The following S100A8 variants were observed in gnomAD, a reference collection of about 807,000 sequenced individuals.
The protein encoded by S100A8 is S100 calcium binding protein A8.
In S100A8, 1 loss-of-function variant was observed where a neutral mutation model predicts 4.2. The observed-to-expected ratio is 0.24, with a 90% CI of 0.08 to 1.12. The LOEUF is 1.12. Among genes scored for constraint, S100A8 ranks in the 50% most tolerant of loss-of-function variants. The pLI is 0.53. For synonymous variants in S100A8, 41 were observed against 44.7 expected (o/e 0.92, Z 0.33); for missense variants, 96 against 111.8 (o/e 0.86, Z 0.64).
the S100A8 span, among the ~76,000 whole-genome samples, chr1:153,418,592 A>G: frequency 6.6e-6 from 1 of 152,196 alleles, no homozygotes; most frequent in African/African-American, 2.4e-5. Flanking sequence ...GGAAAGCACT[A>G]GAAGTTCCAT....
At chr1:153,394,306 G>A (rs1012232383), upstream of S100A8, among the ~76,000 whole-genome samples, 2 of 152,254 alleles carry the variant, frequency 1.3e-5, no homozygotes, top group African/African-American at 2.4e-5. Flanking sequence ...CCCCTGCTTC[G>A]TACTCAATGC....
chr1:153,421,644 A>C, the S100A8 span: 2 of 152,224 alleles, frequency 1.3e-5, no homozygotes, highest in Admixed American at 1.3e-4. Flanking sequence ...AGAAAGGATA[A>C]GGCAAATGAC....
At chr1:153,391,304 A>T, upstream of S100A8, 2 of 621,338 alleles carry the variant, frequency 3.2e-6, no homozygotes, top group Non-Finnish European at 4.0e-6. Flanking sequence ...AAAAGCAGGT[A>T]GGGGGGCTCT....
At chr1:153,399,278 T>C in the S100A8 span, among the ~76,000 whole-genome samples, 1 of 152,212 alleles carries the variant, frequency 6.6e-6, no homozygotes, top group Non-Finnish European at 1.5e-5. Flanking sequence ...GGAGCAGGAC[T>C]GAGCCTTAAT....
At chr1:153,406,801 G>C in the S100A8 span, among the ~76,000 whole-genome samples, 1 of 152,186 alleles carries the variant, frequency 6.6e-6, no homozygotes, top group African/African-American at 2.4e-5. Flanking sequence ...GGTTGGATGT[G>C]TGATAGGATG....
chr1:153,390,395 C>T lies in S100A8; in HGVS notation c.141G>A (p.Arg47=). The change falls in exon 2 of 3, where the codon AGG becomes AGA. Residue 47 remains arginine (R), a splice_region_variant and synonymous_variant. Coordinates refer to ENST00000368733, the MANE Select transcript of S100A8 (RefSeq NM_002964.5). ...CCCGCCACACCCAGCCCCTCCTCACCCTGATATACTGAGGACACTCGGTCT... is the reference window on the plus strand; with the variant it reads ...CCCGCCACACCCAGCCCCTCCTCACTCTGATATACTGAGGACACTCGGTCT... The part of the protein sequence containing the change: ...LLETECPQYI[R]KKGADVWFKE... 4 of 1,614,120 alleles carry T rather than the reference C, an allele frequency of 2.5e-6. No homozygotes were observed. The highest frequency in any genetic ancestry group is 3.4e-6 in the Non-Finnish European group (4 of 1,179,974).
chr1:153,402,382 T>C, the S100A8 span, among the ~76,000 whole-genome samples: 4 of 152,076 alleles, frequency 2.6e-5, no homozygotes, highest in Admixed American at 2.6e-4. Context: ...CATTACCTTG[T>C]CCCCGAATAA....
upstream of S100A8, among the ~76,000 whole-genome samples, chr1:153,393,682 C>T (rs1343830691): frequency 4.6e-5 from 7 of 152,296 alleles, no homozygotes; most frequent in East Asian, 1.2e-3. Context: ...TGGTTAATAC[C>T]TATTATTCAC....
the S100A8 span, among the ~76,000 whole-genome samples, chr1:153,405,903 C>T: frequency 6.6e-6 from 1 of 152,262 alleles, no homozygotes; most frequent in Admixed American, 6.5e-5. Context: ...CTAATAACCT[C>T]TTGTGAATGC....
the S100A8 span, among the ~76,000 whole-genome samples, chr1:153,407,969 G>A: frequency 1.3e-5 from 2 of 152,128 alleles, no homozygotes; most frequent in Non-Finnish European, 1.5e-5. Context: ...CCATCTGTAC[G>A]TCACCATCAT....
chr1:153,396,149 T>G, the S100A8 span, among the ~76,000 whole-genome samples: 1 of 152,172 alleles, frequency 6.6e-6, no homozygotes, highest in Non-Finnish European at 1.5e-5. Flanking sequence ...GTCTCTCCCA[T>G]CCAATATAAA....
the S100A8 span, among the ~76,000 whole-genome samples, chr1:153,405,018 G>A: frequency 6.6e-6 from 1 of 152,024 alleles, no homozygotes; most frequent in Non-Finnish European, 1.5e-5. Context: ...AACTGTAACA[G>A]GAACAGCCCT....
the S100A8 span, among the ~76,000 whole-genome samples, chr1:153,400,576 G>A: frequency 6.0e-4 from 92 of 152,316 alleles, 2 homozygotes; most frequent in South Asian, 0.017. Flanking sequence ...GGTAGATACC[G>A]AAGCCAACAG....
At chr1:153,402,558 G>A in the S100A8 span, among the ~76,000 whole-genome samples, 18 of 152,236 alleles carry the variant, frequency 1.2e-4, no homozygotes, top group African/African-American at 3.9e-4. Flanking sequence ...AGGTCTGAGG[G>A]GCAGGCAGAG....
chr1:153,409,651 A>T, the S100A8 span, among the ~76,000 whole-genome samples: 2 of 152,224 alleles, frequency 1.3e-5, no homozygotes, highest in Non-Finnish European at 2.9e-5. Context: ...CCCCACATCA[A>T]CAGAATATGC....
chr1:153,421,969 C>T, the S100A8 span: 1 of 152,238 alleles, frequency 6.6e-6, no homozygotes, highest in Non-Finnish European at 1.5e-5. Flanking sequence ...ACTCTCCATG[C>T]TTATGTCAAT....
chr1:153,416,291 A>T, the S100A8 span, among the ~76,000 whole-genome samples: 2 of 152,142 alleles, frequency 1.3e-5, no homozygotes, highest in Admixed American at 6.5e-5. Flanking sequence ...CCTTACCCTC[A>T]AATCAAGATT....
At chr1:153,392,237 G>A (rs2101610202), upstream of S100A8, among the ~76,000 whole-genome samples, 1 of 152,234 alleles carries the variant, frequency 6.6e-6, no homozygotes, top group South Asian at 2.1e-4. Flanking sequence ...ATAAGCATAT[G>A]AAAATTACTA....
At chr1:153,397,235 C>T in the S100A8 span, among the ~76,000 whole-genome samples, 1 of 152,224 alleles carries the variant, frequency 6.6e-6, no homozygotes, top group Admixed American at 6.5e-5. Context: ...ACCTGGCCCT[C>T]GAGTCTGCAT....
Sources: gnomAD v4.1 joint callset for allele counts (sites outside exome capture counted in the v4.1 genomes callset) on GRCh38, gnomAD v4.1.1 for gene constraint, MANE v1.5 for transcripts, NCBI Gene and HGNC (gene_info 2026-07-23, HGNC 2026-07-21) for gene names.